Variants in SVOPL observed in about 807,000 individuals in gnomAD.
SVOPL encodes putative transporter SVOPL.
SVOPL carries 60 observed loss-of-function variants against 61.0 expected under a neutral mutation model. That is an observed-to-expected ratio of 0.98 (90% CI 0.80 to 1.22). The LOEUF (loss-of-function observed/expected upper bound fraction) is 1.22. Among genes scored for constraint, SVOPL ranks in the 50% most tolerant of loss-of-function variants. The pLI is 0.00. For synonymous variants in SVOPL, 279 were observed against 250.0 expected, an observed-to-expected ratio of 1.12 and a Z score of -1.09; for missense variants, 662 against 643.9, an observed-to-expected ratio of 1.03 and a Z score of -0.30.
chr7:138,648,898 G>A, intron 8 of SVOPL, 114 bp downstream of exon 8: 2 of 1,495,938 alleles, frequency 1.3e-6, no homozygotes, highest in East Asian at 2.4e-5. Flanking sequence ...CTGCAGCCTG[G>A]ACAACAAAGA....
chr7:138,627,358 G>A lies in SVOPL; in HGVS notation c.1173C>T (p.Cys391=). ...AATTAAACAGAAAATACCTTGAAGT[G>A]CAAATGTTGAGGAGAAGGAAGAATA... ...TALFFLLLNI[C]TSSAGLIGFL... is the part of the protein sequence containing the mutation. Residue 391 remains cysteine (C), a synonymous_variant, in exon 12 of 16, where the codon TGC becomes TGT. Transcript: ENST00000674285. 6.2e-7 allele frequency: 1 copy of A among 1,611,546 alleles called. No homozygotes were observed.
intron 12 of SVOPL, among the ~76,000 whole-genome samples, chr7:138,626,851 G>GA (rs58498689): frequency 0.057 from 8,465 of 148,504 alleles, 625 homozygotes; most frequent in Admixed American, 0.22. Context: ...CTGTCTCAAA[G>GA]AAAAAAAAAA....
chr7:138,663,467 TTGTC>T, intron 4 of SVOPL: 1 of 1,190,640 alleles, frequency 8.4e-7, no homozygotes, highest in Non-Finnish European at 1.0e-6. Flanking sequence ...ATTTTTAAAA[TTGTC>T]TGTTCATGCG....
At position 138,678,531 on chromosome 7, in the gene SVOPL, A is replaced by G. The variant is rs1802627655; in HGVS notation, c.83-6T>C. On this transcript the variant is annotated splice_polypyrimidine_tract_variant and splice_region_variant and intron_variant, in intron 2 of 15. Transcript: ENST00000674285. Reference sequence around the variant, plus strand: ...CACGGTGAACGTCTTTGGCTCTAACAACGAAAGACAAAGTGGAAAAAATTG... The same window carrying G: ...CACGGTGAACGTCTTTGGCTCTAACGACGAAAGACAAAGTGGAAAAAATTG... 6.4e-7 allele frequency: 1 copy of G among 1,551,750 alleles called. No individual in the cohort carries two copies. Among genetic ancestry groups the G allele is most frequent in the Non-Finnish European group, 8.7e-7 (1 of 1,147,004 alleles).
At chr7:138,619,849 C>T (rs1359112901) in intron 14 of SVOPL, among the ~76,000 whole-genome samples, 2 of 152,122 alleles carry the variant, frequency 1.3e-5, no homozygotes, top group Non-Finnish European at 2.9e-5. Flanking sequence ...TCAGTGTCTT[C>T]CAGAGGCCAG....
chr7:138,637,461 T>TAG (rs1312746228), intron 9 of SVOPL, among the ~76,000 whole-genome samples: 1 of 13,028 alleles, frequency 7.7e-5, no homozygotes, highest in Non-Finnish European at 1.6e-4. Context: ...GATAGATATA[T>TAG]ATATATAGAT....
At chr7:138,639,839 C>T (rs1295711322) in intron 9 of SVOPL, among the ~76,000 whole-genome samples, 1 of 152,006 alleles carries the variant, frequency 6.6e-6, no homozygotes, top group Non-Finnish European at 1.5e-5. Context: ...GCCTCAACCT[C>T]CTGGACTCAA....
rs1801789515 is a variant in SVOPL, at chr7:138,657,200, G to C, written c.471-689C>G. ...AGAGACAAGGTCTGGCTGTCTCCCA[G>C]GTTGGAGTACAGTGGTTTGATCACA... On this transcript the variant is annotated intron_variant, in intron 6 of 15. Transcript: ENST00000674285. Among the ~76,000 whole-genome samples, 3 of 151,802 alleles carry C rather than the reference G, an allele frequency of 2.0e-5. 1 individual carries two copies. The South Asian group carries it at 6.2e-4, about 32-fold the overall frequency.
chr7:138,696,036 C>T (rs186866053), intron 1 of SVOPL, among the ~76,000 whole-genome samples: 2 of 152,144 alleles, frequency 1.3e-5, no homozygotes, highest in Non-Finnish European at 2.9e-5. Context: ...CCCACCTTGG[C>T]CTCCCAAAGT....
At chr7:138,601,218 C>T (rs1157003568) in intron 14 of SVOPL, among the ~76,000 whole-genome samples, 3 of 143,960 alleles carry the variant, frequency 2.1e-5, no homozygotes, top group Admixed American at 1.4e-4. Context: ...TGCCACTGCA[C>T]TCTAGCCTGG....
At chr7:138,691,060 C>G (rs1211810077) in intron 1 of SVOPL, among the ~76,000 whole-genome samples, 8 of 152,166 alleles carry the variant, frequency 5.3e-5, no homozygotes, top group Non-Finnish European at 4.4e-5. Context: ...TAGGCATGAG[C>G]CACCGCACCC....
rs1023866942 is a variant in SVOPL, at chr7:138,628,058, G to C, written c.1069+100C>G. ...CTTGGCAACTTATTCAGTTCTGCTA[G>C]GCAGGAGCGGTGTCACAGGGTCACA... On this transcript the variant is annotated intron_variant, in intron 11 of 15. Coordinates refer to ENST00000674285, the MANE Select transcript of SVOPL (RefSeq NM_001139456.2). The C allele has an allele frequency of 2.2e-6, 3 of 1,355,544 alleles. No individual in the cohort carries two copies. In the African/African-American group the frequency reaches 4.3e-5, roughly 19 times the overall value. 84.0% of individuals were successfully genotyped at this position (1,355,544 alleles called of 1,614,324 possible). A position where few individuals can be genotyped will look rare whatever the true frequency, so the allele number is the denominator to read the frequency against.
Position 138,637,463 on chromosome 7 carries a change from TATATAGATATAGATATAG to T in SVOPL, c.789+7236_789+7253del, listed in dbSNP as rs1554463005. On this transcript the variant is annotated intron_variant, in intron 9 of 15. Transcript: ENST00000674285. ...ATATAGATAGATAGATAGATATATA[TATATAGATATAGATATAG>T]ATATAGATAGATATATATATATATA... Among the ~76,000 whole-genome samples, 26 of 19,116 alleles carry T rather than the reference TATATAGATATAGATATAG, an allele frequency of 1.4e-3. 1 individual carries two copies. The East Asian group carries it at 0.044, about 33-fold the overall frequency. The allele number at this position is 19,116 out of a possible 152,430, so 12.5% of individuals were successfully genotyped here.
chr7:138,691,210 G>A (rs1053454221), intron 1 of SVOPL, among the ~76,000 whole-genome samples: 2 of 152,104 alleles, frequency 1.3e-5, no homozygotes, highest in Non-Finnish European at 2.9e-5. Context: ...AAAGGAATCT[G>A]GCTTTTATAG....
At chr7:138,679,663 T>C (rs1802657999) in intron 1 of SVOPL, among the ~76,000 whole-genome samples, 1 of 152,128 alleles carries the variant, frequency 6.6e-6, no homozygotes, top group African/African-American at 2.4e-5. Flanking sequence ...ATGGGGATGA[T>C]ATAATAATGG....
At chr7:138,624,249 A>C (rs1464091276) in intron 13 of SVOPL, among the ~76,000 whole-genome samples, 3 of 152,202 alleles carry the variant, frequency 2.0e-5, no homozygotes, top group Non-Finnish European at 2.9e-5. Context: ...TTTTTAATAG[A>C]ACTGATGCTT....
chr7:138,632,546 C>T (rs928781839), intron 9 of SVOPL, among the ~76,000 whole-genome samples: 2 of 150,994 alleles, frequency 1.3e-5, no homozygotes, highest in Non-Finnish European at 2.9e-5. Context: ...GAAGTGGGAA[C>T]AGAAGGATGA....
At chr7:138,637,463 T>TATATAGATATAGATATAGATATAG in intron 9 of SVOPL, among the ~76,000 whole-genome samples, 1 of 19,118 alleles carries the variant, frequency 5.2e-5, no homozygotes, top group African/African-American at 1.4e-4. Context: ...TAGATATATA[T>TATATAGATATAGATATAGATATAG]ATATAGATAT....
chr7:138,699,261 G>A (rs1426055104), intron 1 of SVOPL, among the ~76,000 whole-genome samples: 1 of 152,064 alleles, frequency 6.6e-6, no homozygotes, highest in Non-Finnish European at 1.5e-5. Context: ...CTGAGATTGT[G>A]CCATTGCACT....
Sources: gnomAD v4.1 joint callset for allele counts (sites outside exome capture counted in the v4.1 genomes callset) on GRCh38, gnomAD v4.1.1 for gene constraint, MANE v1.5 for transcripts, NCBI Gene and HGNC (gene_info 2026-07-23, HGNC 2026-07-21) for gene names.